USP30: variants seen among roughly 807,000 people sequenced by gnomAD.
USP30 encodes the protein ubiquitin carboxyl-terminal hydrolase 30.
In USP30, 41 loss-of-function variants were observed where a neutral mutation model predicts 68.2. The observed-to-expected ratio is 0.60, with a 90% CI of 0.47 to 0.78. The LOEUF (loss-of-function observed/expected upper bound fraction) is 0.78, where lower values mean the gene tolerates loss of function less well. Ranked by LOEUF, USP30 falls within the 30% of genes least tolerant of loss-of-function variation. USP30 has a pLI of 0.00. For missense variants in USP30, 522 were observed against 649.4 expected (o/e 0.80, Z 2.13); for synonymous variants, 229 against 253.7 (o/e 0.90, Z 0.93).
At chr12:109,055,263 T>C (rs1458751729) in intron 1 of USP30, among the ~76,000 whole-genome samples, 1 of 149,784 alleles carries the variant, frequency 6.7e-6, no homozygotes, top group East Asian at 1.9e-4. Flanking sequence ...TACCATTGTA[T>C]GTGTGCCCCT....
intron 3 of USP30, among the ~76,000 whole-genome samples, chr12:109,038,205 G>A (rs1203776325): frequency 4.5e-5 from 5 of 110,078 alleles, no homozygotes; most frequent in African/African-American, 7.4e-5. Flanking sequence ...GTTGGTTCCC[G>A]CCCCCCTCCC....
Position 109,086,135 on chromosome 12 carries a change from G to C in USP30, c.*204G>C. The C allele has an allele frequency of 1.6e-6, 1 of 629,760 alleles. No homozygotes were observed. Among genetic ancestry groups the C allele is most frequent in the East Asian group, 2.8e-5 (1 of 35,288 alleles). The allele number at this position is 629,760 out of a possible 1,614,324, so 39.0% of individuals were successfully genotyped here. ...ACAGTCCTGTTCATGTGTGTAGGTG[G>C]TTCTGTTGTGTTAAGAAAGCATTCA... On this transcript the variant is annotated 3_prime_UTR_variant, in exon 13 of 13. Coordinates refer to ENST00000257548, the MANE Select transcript of USP30 (RefSeq NM_032663.5).
At chr12:109,058,244 A>G in intron 3 of USP30, 136 bp downstream of exon 3, 1 of 976,522 alleles carries the variant, frequency 1.0e-6, no homozygotes, top group Admixed American at 2.9e-5. Flanking sequence ...CAACACCAAG[A>G]GCCCAATAGA....
chr12:109,046,042 T>G (rs942849386), intron 3 of USP30, among the ~76,000 whole-genome samples: 4 of 150,996 alleles, frequency 2.6e-5, no homozygotes, highest in African/African-American at 9.7e-5. Flanking sequence ...TCAGGCAGTC[T>G]GCAAGCAGAA....
chr12:109,072,406 A>G, intron 6 of USP30, 56 bp downstream of exon 6: 1 of 1,549,900 alleles, frequency 6.5e-7, no homozygotes, highest in Non-Finnish European at 8.9e-7. Flanking sequence ...AAGATATGAT[A>G]ATAATTTGCT....
At chr12:109,029,885 A>T (rs2135654978) in intron 3 of USP30, among the ~76,000 whole-genome samples, 1 of 152,248 alleles carries the variant, frequency 6.6e-6, no homozygotes, top group East Asian at 1.9e-4. Context: ...ATTAACATTA[A>T]TGGTACCCTA....
At chr12:109,072,676 C>G (rs1010900851) in intron 6 of USP30, among the ~76,000 whole-genome samples, 2 of 152,122 alleles carry the variant, frequency 1.3e-5, no homozygotes, top group African/African-American at 4.8e-5. Flanking sequence ...CTGCCAAATT[C>G]TATTGCATAT....
intron 3 of USP30, among the ~76,000 whole-genome samples, chr12:109,059,472 A>C (rs1288303471): frequency 1.3e-5 from 2 of 152,088 alleles, no homozygotes; most frequent in Non-Finnish European, 2.9e-5. Flanking sequence ...CTGGAATTAC[A>C]GGCATGAGCC....
chr12:109,055,409 T>A (rs1433855618), intron 1 of USP30, among the ~76,000 whole-genome samples: 13 of 85,726 alleles, frequency 1.5e-4, no homozygotes, highest in African/African-American at 4.8e-4. Context: ...TATTTTTTTT[T>A]TTTTTTTTTT....
chr12:109,074,671 T>C (rs2041541926), intron 7 of USP30, among the ~76,000 whole-genome samples: 1 of 152,190 alleles, frequency 6.6e-6, no homozygotes, highest in Non-Finnish European at 1.5e-5. Flanking sequence ...ATTGTATATA[T>C]TTAGGGTGTA....
chr12:109,056,810 C>T lies in USP30; in HGVS notation c.193+19C>T, dbSNP rs2040891738. On this transcript the variant is annotated intron_variant, in intron 2 of 12. Coordinates refer to ENST00000257548, the MANE Select transcript of USP30 (RefSeq NM_032663.5). ...AGAAAAGGTAAGAATGAGAACACTGCATCATGGTCTGTAGACTTGACCCAG... is the reference window on the plus strand; with the variant it reads ...AGAAAAGGTAAGAATGAGAACACTGTATCATGGTCTGTAGACTTGACCCAG... The T allele has an allele frequency of 1.9e-6, 3 of 1,558,630 alleles. No homozygotes were observed. The highest frequency in any genetic ancestry group is 1.8e-5 in the Admixed American group (1 of 56,788).
At chr12:109,061,491 A>G (rs2041065492) in intron 3 of USP30, among the ~76,000 whole-genome samples, 1 of 150,610 alleles carries the variant, frequency 6.6e-6, no homozygotes, top group Non-Finnish European at 1.5e-5. Context: ...TCACTGCAGC[A>G]TCTGCCTCCC....
chr12:109,037,403 A>C (rs2040529435), intron 3 of USP30, among the ~76,000 whole-genome samples: 1 of 152,188 alleles, frequency 6.6e-6, no homozygotes, highest in Non-Finnish European at 1.5e-5. Context: ...TCATAAGTTC[A>C]ATGTCTGGAC....
At chr12:109,041,503 T>C (rs2040564678) in intron 3 of USP30, among the ~76,000 whole-genome samples, 1 of 151,950 alleles carries the variant, frequency 6.6e-6, no homozygotes, top group African/African-American at 2.4e-5. Flanking sequence ...GGCATGGTGG[T>C]GCGTGCCTGT....
chr12:109,062,437 C>A (rs901468567), intron 3 of USP30, among the ~76,000 whole-genome samples: 1 of 148,968 alleles, frequency 6.7e-6, no homozygotes, highest in Non-Finnish European at 1.5e-5. Context: ...TGGGTTCAAG[C>A]TAGTCTCCTG....
Position 109,028,129 on chromosome 12 carries a change from T to C in USP30, c.-136+573T>C, listed in dbSNP as rs142616630. ...CCCTAATAACTAACAATGTTGAGCA[T>C]CTTTTCATGTGCTTATTGGCCACTG... On this transcript the variant is annotated intron_variant, in intron 3 of 15. Coordinates refer to the USP30 transcript ENST00000392784. Among the ~76,000 whole-genome samples, 91 of 152,326 alleles carry C rather than the reference T, an allele frequency of 6.0e-4. No individual in the cohort carries two copies. In the East Asian group the frequency reaches 0.017, roughly 29 times the overall value.
At chr12:109,030,552 A>G (rs1384729684) in intron 3 of USP30, among the ~76,000 whole-genome samples, 1 of 152,186 alleles carries the variant, frequency 6.6e-6, no homozygotes, top group Non-Finnish European at 1.5e-5. Context: ...CGATACTTGA[A>G]ATTTCTTAAA....
intron 3 of USP30, chr12:109,047,444 T>C (rs1223591548): frequency 6.6e-6 from 1 of 152,154 alleles, no homozygotes; most frequent in Non-Finnish European, 1.5e-5. Flanking sequence ...TATTATTGTT[T>C]TGTTTTGGCC....
rs913886950 is a variant in USP30, at chr12:109,071,813, A to G, written c.579+103A>G. 8.2e-6 allele frequency: 9 copies of G among 1,103,956 alleles called. No individual in the cohort carries two copies. The African/African-American group carries it at 9.4e-5, about 12-fold the overall frequency. 68.4% of individuals were successfully genotyped at this position (1,103,956 alleles called of 1,614,324 possible). On this transcript the variant is annotated intron_variant, in intron 5 of 12. Coordinates refer to ENST00000257548, the MANE Select transcript of USP30 (RefSeq NM_032663.5). ...TTGTACAACTTTAAAAGTAAGATTC[A>G]GTAAAAATCAGTGGTGGGAATGAGG...
Sources: gnomAD v4.1 joint callset for allele counts (sites outside exome capture counted in the v4.1 genomes callset) on GRCh38, gnomAD v4.1.1 for gene constraint, MANE v1.5 for transcripts, NCBI Gene and HGNC (gene_info 2026-07-23, HGNC 2026-07-21) for gene names.